The following BTBD9 variants were observed in gnomAD, a reference collection of about 807,000 sequenced individuals.
BTBD9 encodes BTB/POZ domain-containing protein 9.
Under a neutral mutation model 64.3 loss-of-function variants are expected in BTBD9, and 49 were observed. The observed-to-expected ratio is 0.76, with a 90% CI of 0.61 to 0.97. The LOEUF (loss-of-function observed/expected upper bound fraction) is 0.97. Among genes scored for constraint, BTBD9 ranks in the 50% least tolerant of loss-of-function variants. The pLI, the probability that BTBD9 is intolerant of heterozygous loss-of-function variation, is 0.00. For synonymous variants in BTBD9, 260 were observed against 274.7 expected (o/e 0.95, Z 0.53); for missense variants, 598 against 762.1 (o/e 0.78, Z 2.53).
intron 6 of BTBD9, among the ~76,000 whole-genome samples, chr6:38,552,388 C>T (rs1291501837): frequency 2.6e-5 from 4 of 152,100 alleles, no homozygotes; most frequent in Non-Finnish European, 5.9e-5. Flanking sequence ...TAAAAGTAGT[C>T]CAGAAAGAGG....
Position 38,250,614 on chromosome 6 carries a change from A to G in BTBD9, c.1562+5795T>C, listed in dbSNP as rs1414989055. Among the ~76,000 whole-genome samples the G allele has an allele frequency of 2.6e-5, 4 of 152,230 alleles. No individual in the cohort carries two copies. The East Asian group carries it at 5.8e-4, about 22-fold the overall frequency. On this transcript the variant is annotated intron_variant, in intron 9 of 10. Coordinates refer to ENST00000481247, the MANE Select transcript of BTBD9 (RefSeq NM_001099272.2). The stretch of plus-strand genomic sequence containing the variant: ...TAGTTAACATATAGATGGTTTAACT[A>G]TAAGTTACAGAACAAAAAATAACTA...
At chr6:38,293,042 G>T (rs1762019950) in intron 7 of BTBD9, among the ~76,000 whole-genome samples, 2 of 152,120 alleles carry the variant, frequency 1.3e-5, no homozygotes, top group Admixed American at 6.6e-5. Flanking sequence ...TGGTTTCAAA[G>T]AACTTATTTA....
At chr6:38,268,376 C>T (rs1033107824) in intron 8 of BTBD9, among the ~76,000 whole-genome samples, 1 of 152,104 alleles carries the variant, frequency 6.6e-6, no homozygotes. Flanking sequence ...CAGAAGAATC[C>T]GTATCTGTGG....
At chr6:38,340,188 G>A (rs891619395) in intron 7 of BTBD9, among the ~76,000 whole-genome samples, 2 of 152,164 alleles carry the variant, frequency 1.3e-5, no homozygotes, top group African/African-American at 4.8e-5. Context: ...AAGTGTATGT[G>A]CACGTATTTC....
intron 7 of BTBD9, among the ~76,000 whole-genome samples, chr6:38,334,592 T>C (rs554070050): frequency 2.1e-5 from 3 of 140,442 alleles, no homozygotes; most frequent in African/African-American, 9.1e-5. Flanking sequence ...TAACATAACA[T>C]AACATAACAT....
chr6:38,295,616 A>C (rs527417599), intron 7 of BTBD9, among the ~76,000 whole-genome samples: 1 of 152,054 alleles, frequency 6.6e-6, no homozygotes, highest in African/African-American at 2.4e-5. Flanking sequence ...TGAGATGAGG[A>C]TTTTCATCTT....
At chr6:38,348,430 G>A (rs1764373629) in intron 6 of BTBD9, among the ~76,000 whole-genome samples, 1 of 152,184 alleles carries the variant, frequency 6.6e-6, no homozygotes, top group Non-Finnish European at 1.5e-5. Flanking sequence ...TGTGTAGAGA[G>A]GAGAACTGCT....
At position 38,580,355 on chromosome 6, in the gene BTBD9, A is replaced by G. The variant is rs752105070; in HGVS notation, c.897T>C (p.Asp299=). ...GELKSALLDG[D]TQNYDLDHGF... ...CATGATCCAAATCATAATTTTGAGT[A>G]TCACCATCTAATAAGGCTGATTTCA... is the stretch of plus-strand genomic sequence containing the variant. Residue 299 remains aspartate, a synonymous_variant, in exon 5 of 11, where the codon GAT becomes GAC. Coordinates refer to ENST00000481247, the MANE Select transcript of BTBD9 (RefSeq NM_001099272.2). 1 of 1,614,264 alleles carries G rather than the reference A, an allele frequency of 6.2e-7. No homozygotes were observed. The highest frequency in any genetic ancestry group is 1.1e-5 in the South Asian group (1 of 91,090).
Position 38,185,648 on chromosome 6 carries a change from G to A in BTBD9, c.1641+6871C>T, listed in dbSNP as rs190870781. Among the ~76,000 whole-genome samples the A allele has an allele frequency of 2.0e-5, 3 of 152,272 alleles. No individual in the cohort carries two copies. The East Asian group carries it at 5.8e-4, about 29-fold the overall frequency. On this transcript the variant is annotated intron_variant, in intron 10 of 10. Coordinates refer to ENST00000481247, the MANE Select transcript of BTBD9 (RefSeq NM_001099272.2). Reference sequence around the variant, plus strand: ...CACAGTTTTCCCATAGAAATACCATGTGGGACAAGAAACAGTGGTGCCTCC... The same window carrying A: ...CACAGTTTTCCCATAGAAATACCATATGGGACAAGAAACAGTGGTGCCTCC...
chr6:38,365,421 C>A (rs980132846), intron 6 of BTBD9, among the ~76,000 whole-genome samples: 2 of 152,052 alleles, frequency 1.3e-5, no homozygotes, highest in Non-Finnish European at 2.9e-5. Flanking sequence ...CCATCCATAC[C>A]AGCAAGAGTA....
At chr6:38,593,804 T>G (rs947853226) in intron 3 of BTBD9, among the ~76,000 whole-genome samples, 160 bp downstream of exon 3, 2 of 152,156 alleles carry the variant, frequency 1.3e-5, no homozygotes, top group African/African-American at 4.8e-5. Context: ...TGATCTAGAG[T>G]CCTGGTAGCT....
At chr6:38,585,123 A>G (rs1283870398) in intron 4 of BTBD9, among the ~76,000 whole-genome samples, 1 of 151,950 alleles carries the variant, frequency 6.6e-6, no homozygotes. Context: ...TCCCGAGCTC[A>G]CCATCTCAGG....
At chr6:38,622,056 C>T (rs1198439533) in intron 1 of BTBD9, among the ~76,000 whole-genome samples, 1 of 152,194 alleles carries the variant, frequency 6.6e-6, no homozygotes, top group Non-Finnish European at 1.5e-5. Flanking sequence ...ACTTAAGTCC[C>T]TCCACCAAAC....
chr6:38,478,998 A>G (rs527343239), intron 6 of BTBD9, among the ~76,000 whole-genome samples: 1 of 152,334 alleles, frequency 6.6e-6, no homozygotes, highest in South Asian at 2.1e-4. Context: ...TAGACTGACA[A>G]TGCTTCAATT....
At chr6:38,325,732 T>A (rs557944896) in intron 7 of BTBD9, among the ~76,000 whole-genome samples, 1 of 152,076 alleles carries the variant, frequency 6.6e-6, no homozygotes, top group Non-Finnish European at 1.5e-5. Flanking sequence ...GAGCCCCAGC[T>A]CATTAGGTTA....
intron 10 of BTBD9, chr6:38,179,867 C>A (rs918336586): frequency 4.4e-6 from 2 of 453,690 alleles, no homozygotes; most frequent in Admixed American, 2.4e-5. Context: ...ACAGGTGAGG[C>A]CTTGAGGGGT....
At chr6:38,272,862 G>C (rs1582146178) in intron 8 of BTBD9, among the ~76,000 whole-genome samples, 1 of 152,150 alleles carries the variant, frequency 6.6e-6, no homozygotes, top group South Asian at 2.1e-4. Flanking sequence ...TCAGATATCA[G>C]GAAAAGAAAT....
At chr6:38,297,913 T>C (rs985185345) in intron 7 of BTBD9, among the ~76,000 whole-genome samples, 145 of 151,526 alleles carry the variant, frequency 9.6e-4, no homozygotes, top group African/African-American at 3.4e-3. Flanking sequence ...CTATCTCGGC[T>C]CACTGCAAGC....
At chr6:38,590,181 G>T (rs1000094928) in intron 4 of BTBD9, among the ~76,000 whole-genome samples, 1 of 151,884 alleles carries the variant, frequency 6.6e-6, no homozygotes, top group Non-Finnish European at 1.5e-5. Flanking sequence ...TGCCTTCAAG[G>T]ATCAAAGACA....
Sources: gnomAD v4.1 joint callset for allele counts (sites outside exome capture counted in the v4.1 genomes callset) on GRCh38, gnomAD v4.1.1 for gene constraint, MANE v1.5 for transcripts, NCBI Gene and HGNC (gene_info 2026-07-23, HGNC 2026-07-21) for gene names.